Variants in ZFHX3 observed in about 807,000 individuals in gnomAD.
ZFHX3 encodes the protein zinc finger homeobox 3, also known as zinc finger homeobox protein 3.
ZFHX3 carries 42 observed loss-of-function variants against 279.1 expected under a neutral mutation model. That is an observed-to-expected ratio of 0.15 (90% CI 0.12 to 0.19). The LOEUF (loss-of-function observed/expected upper bound fraction) is 0.19, where lower values mean the gene tolerates loss of function less well. ZFHX3 is among the 10% of genes least tolerant of loss of function. ZFHX3 has a pLI of 1.00. For missense variants in ZFHX3, 4,981 were observed against 4,754.0 expected (o/e 1.05, Z -1.40); for synonymous variants, 2,293 against 1,957.8 (o/e 1.17, Z -4.52).
In ZFHX3 at chr16:73,135,642, G is replaced by A. The variant is rs887815015; in HGVS notation, c.-1023-4548C>T. Among the ~76,000 whole-genome samples the A allele has an allele frequency of 3.3e-5, 5 of 151,572 alleles. No homozygotes were observed. The South Asian group carries it at 6.2e-4, about 19-fold the overall frequency. ...CCAAAGAAAACACTATTCTATGTGCGGATGTTCGAATCAAATTGATTGCCA... is the reference window on the plus strand; with the variant it reads ...CCAAAGAAAACACTATTCTATGTGCAGATGTTCGAATCAAATTGATTGCCA... On this transcript the variant is annotated intron_variant, in intron 6 of 17. Coordinates refer to the ZFHX3 transcript ENST00000641206.
At chr16:73,374,261 T>A (rs976098678) in intron 3 of ZFHX3, among the ~76,000 whole-genome samples, 1 of 152,228 alleles carries the variant, frequency 6.6e-6, no homozygotes, top group Non-Finnish European at 1.5e-5. Context: ...TGAAATTATA[T>A]AAATTATGAC....
chr16:73,067,291 C>A (rs1567656340), intron 8 of ZFHX3, among the ~76,000 whole-genome samples: 1 of 152,198 alleles, frequency 6.6e-6, no homozygotes. Context: ...GACACTTAAG[C>A]CCCGACAGTT....
intron 3 of ZFHX3, among the ~76,000 whole-genome samples, chr16:72,898,936 C>T (rs969294608): frequency 1.3e-5 from 2 of 151,658 alleles, no homozygotes; most frequent in African/African-American, 4.8e-5. Flanking sequence ...TGAGTGTGCA[C>T]AGAGCTCAGA....
chr16:73,426,808 T>G (rs1844146043), intron 3 of ZFHX3, among the ~76,000 whole-genome samples: 1 of 152,236 alleles, frequency 6.6e-6, no homozygotes, highest in Admixed American at 6.5e-5. Context: ...AGATTCTTTT[T>G]GCATCCTCAG....
chr16:73,092,983 G>A (rs1197800957), intron 8 of ZFHX3: 1 of 520,048 alleles, frequency 1.9e-6, no homozygotes, highest in Non-Finnish European at 3.8e-6. Context: ...GCCCTTCCTG[G>A]AGGTGAAATC....
intron 2 of ZFHX3, among the ~76,000 whole-genome samples, chr16:73,477,978 A>C (rs1332691830): frequency 2.0e-5 from 3 of 152,120 alleles, no homozygotes. Flanking sequence ...TCTTTTTTAA[A>C]AATTGAGTCA....
intron 4 of ZFHX3, among the ~76,000 whole-genome samples, chr16:72,854,837 C>G (rs2037710573): frequency 6.7e-6 from 1 of 149,174 alleles, no homozygotes; most frequent in Admixed American, 6.7e-5. Context: ...GGGTACCTCC[C>G]AGCAGTGCGC....
At chr16:73,303,822 C>T (rs747399188) in intron 4 of ZFHX3, among the ~76,000 whole-genome samples, 1 of 151,934 alleles carries the variant, frequency 6.6e-6, no homozygotes, top group Non-Finnish European at 1.5e-5. Flanking sequence ...AGGAGGCCAC[C>T]GATTTGGACT....
chr16:72,920,718 T>G (rs1188756570), intron 3 of ZFHX3, among the ~76,000 whole-genome samples: 2 of 151,792 alleles, frequency 1.3e-5, no homozygotes, highest in African/African-American at 2.4e-5. Context: ...ACTGCCTGTC[T>G]GTGTGTCATC....
intron 4 of ZFHX3, among the ~76,000 whole-genome samples, chr16:73,276,080 A>G (rs6420390): frequency 0.69 from 105,075 of 151,806 alleles, 37,468 homozygotes; most frequent in African/African-American, 0.87. Context: ...CTACACAACA[A>G]ATTGTGTAAT....
At chr16:73,308,568 A>T (rs1021967909) in intron 4 of ZFHX3, among the ~76,000 whole-genome samples, 3 of 151,964 alleles carry the variant, frequency 2.0e-5, no homozygotes, top group Admixed American at 6.6e-5. Flanking sequence ...TGGCCTCCCA[A>T]AGTGGTGAGA....
intron 1 of ZFHX3, chr16:72,973,821 G>A (rs1264233395): frequency 2.0e-5 from 3 of 152,182 alleles, no homozygotes; most frequent in African/African-American, 7.2e-5. Flanking sequence ...GCAGTAAGCA[G>A]AGATCGAAAT....
chr16:73,430,779 T>A (rs2017896237), intron 3 of ZFHX3, among the ~76,000 whole-genome samples: 1 of 152,196 alleles, frequency 6.6e-6, no homozygotes, highest in Non-Finnish European at 1.5e-5. Flanking sequence ...AAGTGGCCAG[T>A]GCATTGAACC....
intron 1 of ZFHX3, among the ~76,000 whole-genome samples, chr16:73,799,976 G>A (rs1225929050): frequency 2.6e-5 from 4 of 152,018 alleles, no homozygotes; most frequent in Non-Finnish European, 5.9e-5. Context: ...GGATCTCCCC[G>A]AGATCAGCCT....
At chr16:72,971,457 G>A (rs1962101341) in intron 1 of ZFHX3, among the ~76,000 whole-genome samples, 1 of 152,158 alleles carries the variant, frequency 6.6e-6, no homozygotes, top group South Asian at 2.1e-4. Context: ...AGGAAACTGA[G>A]GCTTAGAGAG....
At chr16:73,159,473 A>T (rs1021589293) in intron 5 of ZFHX3, among the ~76,000 whole-genome samples, 11 of 152,082 alleles carry the variant, frequency 7.2e-5, no homozygotes, top group Non-Finnish European at 1.5e-4. Flanking sequence ...TGTCCTTTGG[A>T]GCCCTGAGGC....
At chr16:73,064,109 G>A (rs191899573), upstream of ZFHX3, among the ~76,000 whole-genome samples, 1 of 152,128 alleles carries the variant, frequency 6.6e-6, no homozygotes, top group Non-Finnish European at 1.5e-5. Context: ...CCAAGAAAAA[G>A]GAGTTTTTTG....
At chr16:73,698,381 G>A (rs948408673) in intron 1 of ZFHX3, among the ~76,000 whole-genome samples, 5 of 152,102 alleles carry the variant, frequency 3.3e-5, no homozygotes, top group Non-Finnish European at 7.4e-5. Context: ...AATTGTTAGA[G>A]GTAAGGCCCA....
At chr16:73,404,736 T>C (rs1280034759) in intron 3 of ZFHX3, among the ~76,000 whole-genome samples, 2 of 152,232 alleles carry the variant, frequency 1.3e-5, no homozygotes, top group Non-Finnish European at 2.9e-5. Flanking sequence ...GAGTTCAGGA[T>C]GTCCCCGCGA....
Sources: gnomAD v4.1 joint callset for allele counts (sites outside exome capture counted in the v4.1 genomes callset) on GRCh38, gnomAD v4.1.1 for gene constraint, MANE v1.5 for transcripts, NCBI Gene and HGNC (gene_info 2026-07-23, HGNC 2026-07-21) for gene names.